Variants in COL4A4 observed in about 807,000 individuals in gnomAD.
The protein encoded by COL4A4 is collagen alpha-4(IV) chain.
Under a neutral mutation model 192.9 loss-of-function variants are expected in COL4A4, and 105 were observed. The ratio of observed to expected loss-of-function variants is 0.54; its 90% CI spans 0.46 to 0.64. The LOEUF (loss-of-function observed/expected upper bound fraction) is 0.64, where lower values mean the gene tolerates loss of function less well. Ranked by LOEUF, COL4A4 falls within the 30% of genes least tolerant of loss-of-function variation. The pLI, the probability that COL4A4 is intolerant of heterozygous loss-of-function variation, is 0.00. For missense variants in COL4A4, 1,967 were observed against 2,169.3 expected, an observed-to-expected ratio of 0.91 and a Z score of 1.85; for synonymous variants, 762 against 769.9, an observed-to-expected ratio of 0.99 and a Z score of 0.17.
chr2:227,009,757 A>G (rs1963202699), intron 46 of COL4A4, among the ~76,000 whole-genome samples: 1 of 139,892 alleles, frequency 7.1e-6, no homozygotes. Context: ...AGAGAAGAGA[A>G]GAGGGGAGGG....
chr2:227,154,406 A>C (rs1311828317), intron 1 of COL4A4, among the ~76,000 whole-genome samples: 1 of 152,186 alleles, frequency 6.6e-6, no homozygotes, highest in Non-Finnish European at 1.5e-5. Context: ...GGGGAGGAGA[A>C]ATGTCTAAGA....
At chr2:227,124,422 C>G (rs2061972680) in intron 4 of COL4A4, among the ~76,000 whole-genome samples, 1 of 152,184 alleles carries the variant, frequency 6.6e-6, no homozygotes. Context: ...AAGTCATTAA[C>G]TCGACAAACA....
chr2:227,148,862 A>T lies in COL4A4; in HGVS notation c.-101-1278T>A, dbSNP rs577941771. ...CAACTTTTTTTTTTTTTTTTCTGAG[A>T]CGGGGTTTTGCTCTTATGGCCCAGG... On this transcript the variant is annotated intron_variant, in intron 1 of 47. Transcript: ENST00000396625. Among the ~76,000 whole-genome samples the T allele has an allele frequency of 1.3e-3, 189 of 146,194 alleles. 1 individual carries two copies. Among genetic ancestry groups the T allele is most frequent in the African/African-American group, 4.6e-3 (182 of 39,242 alleles).
intron 44 of COL4A4, among the ~76,000 whole-genome samples, chr2:227,020,880 C>CG (rs1422052890): frequency 7.8e-6 from 1 of 127,598 alleles, no homozygotes; most frequent in African/African-American, 3.2e-5. Flanking sequence ...ACACTTTTTT[C>CG]TTTTTTTTTT....
chr2:227,067,095 CAACA>C (rs2150355987), intron 25 of COL4A4, among the ~76,000 whole-genome samples: 1 of 151,916 alleles, frequency 6.6e-6, no homozygotes, highest in South Asian at 2.1e-4. Flanking sequence ...GACTTTAAAC[CAACA>C]AAGATCAAAA....
chr2:227,101,864 C>T lies in COL4A4; in HGVS notation c.975+1G>A, dbSNP rs1553683192. The T allele has an allele frequency of 1.9e-6, 3 of 1,584,040 alleles. No individual in the cohort carries two copies. Among genetic ancestry groups the T allele is most frequent in the African/African-American group, 1.3e-5 (1 of 74,316 alleles). On this transcript the variant is annotated splice_donor_variant, in intron 16 of 47. Coordinates refer to ENST00000396625, the MANE Select transcript of COL4A4 (RefSeq NM_000092.5). LOFTEE classifies it high-confidence loss of function. ...TTATCTCTATAATGAGGTACATTTA[C>T]CTTTAATCCTGGAAAACCTGGAGAT...
the COL4A4 span, among the ~76,000 whole-genome samples, chr2:226,971,760 A>G: frequency 5.1e-4 from 78 of 151,914 alleles, no homozygotes; most frequent in African/African-American, 1.8e-3. Context: ...GCTCTAAGTT[A>G]TCTGTCATGT....
Position 227,123,492 on chromosome 2 carries a change from G to A in COL4A4, c.193-2344C>T, listed in dbSNP as rs370378148. Among the ~76,000 whole-genome samples, 10 of 152,306 alleles carry A rather than the reference G, an allele frequency of 6.6e-5. No homozygotes were observed. The highest frequency in any genetic ancestry group is 2.4e-4 in the African/African-American group (10 of 41,562). On this transcript the variant is annotated intron_variant, in intron 4 of 47. Coordinates refer to ENST00000396625, the MANE Select transcript of COL4A4 (RefSeq NM_000092.5). The surrounding 1 kb of genome is among the most constrained non-coding windows in gnomAD (Gnocchi z 4.6). ...GGAACAGAGCGCGACCCACGGAAGT[G>A]AAGGCAGCCAAGAAAGGGGCAGTTT...
At chr2:226,988,170 C>G in the COL4A4 span, among the ~76,000 whole-genome samples, 2 of 152,182 alleles carry the variant, frequency 1.3e-5, no homozygotes, top group Non-Finnish European at 1.5e-5. Flanking sequence ...CCTCACTACT[C>G]TTTTCTTTTT....
In COL4A4 at chr2:227,072,612, C is replaced by T. The variant is rs550398823; in HGVS notation, c.1987+5282G>A. 2.0e-3 allele frequency among the ~76,000 whole-genome samples: 305 copies of T among 151,940 alleles called. 1 individual carries two copies. Among genetic ancestry groups the T allele is most frequent in the Non-Finnish European group, 3.1e-3 (213 of 67,812 alleles). ...AAAGATACACACACACACACACAAA[C>T]TACAGACCAATTTCCTTGATGAACA... On this transcript the variant is annotated intron_variant, in intron 25 of 47. Coordinates refer to ENST00000396625, the MANE Select transcript of COL4A4 (RefSeq NM_000092.5).
At chr2:227,051,973 T>A (rs1307988806) in intron 32 of COL4A4, among the ~76,000 whole-genome samples, 1 of 152,132 alleles carries the variant, frequency 6.6e-6, no homozygotes, top group Non-Finnish European at 1.5e-5. Context: ...GTGGATCACC[T>A]GAGGTCAGGA....
intron 44 of COL4A4, among the ~76,000 whole-genome samples, chr2:227,013,374 T>C (rs901087402): frequency 2.0e-5 from 3 of 152,282 alleles, no homozygotes; most frequent in Non-Finnish European, 4.4e-5. Flanking sequence ...TCCCCGTATC[T>C]CAGAATGTGA....
At chr2:226,986,292 T>C in the COL4A4 span, among the ~76,000 whole-genome samples, 1 of 152,086 alleles carries the variant, frequency 6.6e-6, no homozygotes, top group Non-Finnish European at 1.5e-5. Context: ...AAAAAGGAAA[T>C]TAGTGAAAAA....
At chr2:227,146,067 A>T (rs777615898) in intron 2 of COL4A4, among the ~76,000 whole-genome samples, 5 of 152,234 alleles carry the variant, frequency 3.3e-5, no homozygotes, top group Non-Finnish European at 7.3e-5. Context: ...TTCTCTATAT[A>T]ATCTCATCAA....
At chr2:227,117,467 A>G (rs1299392453) in intron 7 of COL4A4, among the ~76,000 whole-genome samples, 2 of 152,230 alleles carry the variant, frequency 1.3e-5, no homozygotes, top group Non-Finnish European at 2.9e-5. Context: ...ATACCAGAAG[A>G]AAAATGTGAG....
chr2:227,041,243 A>G (rs1217757596), intron 37 of COL4A4, among the ~76,000 whole-genome samples: 1 of 152,172 alleles, frequency 6.6e-6, no homozygotes, highest in African/African-American at 2.4e-5. Flanking sequence ...TCAAAACTGT[A>G]CACCCAGCAT....
intron 22 of COL4A4, among the ~76,000 whole-genome samples, chr2:227,083,545 C>T (rs111367856): frequency 6.6e-6 from 1 of 152,132 alleles, no homozygotes; most frequent in South Asian, 2.1e-4. Context: ...CCTCTGGGCT[C>T]AAGCAATCCT....
chr2:227,060,692 T>C (rs938127995), intron 26 of COL4A4, among the ~76,000 whole-genome samples: 2 of 151,702 alleles, frequency 1.3e-5, no homozygotes, highest in Non-Finnish European at 2.9e-5. Flanking sequence ...AAATGAAGTA[T>C]AGGCAAAAAG....
rs1050293057 is a variant in COL4A4 at position 227,059,588 on chromosome 2, C to T, written c.2200G>A (p.Gly734Ser). The change falls in exon 28 of 48, where the codon GGT becomes AGT. Residue 734 changes from glycine (G) to serine (S), a missense_variant. Gly to Ser is a moderately conservative substitution (Grantham distance 56). Transcript: ENST00000396625. Reference protein sequence around the residue: ...RGDMGDPGFGGEKGSSPVGPP... With the variant: ...RGDMGDPGFGSEKGSSPVGPP... ...CCAACAGGGGAGGACCCCTTTTCAC[C>T]TCCAAAACCCGGATCTCCCATGTCA... 3 of 1,614,110 alleles carry T rather than the reference C, an allele frequency of 1.9e-6. No individual in the cohort carries two copies. The highest frequency in any genetic ancestry group is 2.2e-5 in the South Asian group (2 of 91,082).
Sources: allele counts gnomAD v4.1 joint callset (sites outside exome capture counted in the v4.1 genomes callset), GRCh38; gene constraint gnomAD v4.1.1; non-coding constraint Gnocchi (gnomAD v3.1); transcripts MANE v1.5; gene names NCBI Gene and HGNC (gene_info 2026-07-23, HGNC 2026-07-21).